Variants in DLEU7 observed in about 807,000 individuals in gnomAD.
DLEU7 encodes the protein leukemia-associated protein 7.
DLEU7 carries 17 observed loss-of-function variants against 16.0 expected under a neutral mutation model. That is an observed-to-expected ratio of 1.06 (90% CI 0.73 to 1.59). The LOEUF (loss-of-function observed/expected upper bound fraction) is 1.59, where lower values mean the gene tolerates loss of function less well. Ranked by LOEUF, DLEU7 falls within the 40% of genes most tolerant of loss-of-function variation. The probability of loss-of-function intolerance (pLI) is 0.00; values close to 1 mark genes in which losing one functional copy is unlikely to be tolerated. For missense variants in DLEU7, 308 were observed against 314.9 expected (o/e 0.98, Z 0.17); for synonymous variants, 113 against 139.8 (o/e 0.81, Z 1.35).
intron 1 of DLEU7, among the ~76,000 whole-genome samples, chr13:50,809,248 G>T (rs1244931113): frequency 6.6e-6 from 1 of 152,020 alleles, no homozygotes; most frequent in Non-Finnish European, 1.5e-5. Context: ...ATGTGTTTTG[G>T]TTGAAAAAAA....
chr13:50,782,185 G>C (rs1050648381), intron 1 of DLEU7, among the ~76,000 whole-genome samples: 5 of 152,060 alleles, frequency 3.3e-5, no homozygotes, highest in Non-Finnish European at 5.9e-5. Flanking sequence ...CCTCACAAAG[G>C]GTCTGTAAGT....
At chr13:50,758,255 A>C (rs768020108) in intron 1 of DLEU7, among the ~76,000 whole-genome samples, 4 of 152,080 alleles carry the variant, frequency 2.6e-5, no homozygotes, top group Non-Finnish European at 5.9e-5. Context: ...TTGGAAGCTT[A>C]TTGTTAACAG....
chr13:50,810,777 G>C (rs957727620), intron 1 of DLEU7, among the ~76,000 whole-genome samples: 1 of 152,138 alleles, frequency 6.6e-6, no homozygotes, highest in Non-Finnish European at 1.5e-5. Flanking sequence ...TTCAACTGTT[G>C]TGAATTTTTT....
intron 1 of DLEU7, among the ~76,000 whole-genome samples, chr13:50,757,100 C>T (rs997172596): frequency 3.3e-5 from 5 of 152,260 alleles, no homozygotes; most frequent in Admixed American, 6.5e-5. Context: ...AGGAGCAGTC[C>T]GCTTCTTTCA....
chr13:50,800,283 G>A (rs143560108), intron 1 of DLEU7, among the ~76,000 whole-genome samples: 306 of 152,292 alleles, frequency 2.0e-3, no homozygotes, highest in African/African-American at 6.8e-3. Context: ...TATGGCTAAT[G>A]CTCAGCCCGG....
At chr13:50,733,536 A>G (rs1331534976) in intron 1 of DLEU7, among the ~76,000 whole-genome samples, 1 of 151,942 alleles carries the variant, frequency 6.6e-6, no homozygotes, top group Non-Finnish European at 1.5e-5. Flanking sequence ...GATGCAAGGG[A>G]TCTATCTCCC....
intron 1 of DLEU7, among the ~76,000 whole-genome samples, chr13:50,753,076 C>T (rs948358747): frequency 6.6e-6 from 1 of 151,038 alleles, no homozygotes; most frequent in African/African-American, 2.5e-5. Context: ...TACCTAGATA[C>T]AGAGTGTCGA....
At position 50,791,608 on chromosome 13, in the gene DLEU7, G is replaced by A. The variant is rs1352973934; in HGVS notation, c.459+51580C>T. ...CCTCACCTCTCCACCAGGCCAGCTT[G>A]CAGGGTCAGAGCCAAGTTTTGTGGA... On this transcript the variant is annotated intron_variant, in intron 1 of 1. Coordinates refer to the DLEU7 transcript ENST00000400393. 2.0e-5 allele frequency among the ~76,000 whole-genome samples: 3 copies of A among 152,150 alleles called. No homozygotes were observed. In the South Asian group the frequency reaches 6.2e-4, roughly 32 times the overall value.
chr13:50,802,903 A>G (rs972464121), intron 1 of DLEU7, among the ~76,000 whole-genome samples: 2 of 152,172 alleles, frequency 1.3e-5, no homozygotes, highest in Non-Finnish European at 1.5e-5. Context: ...CCACATAACA[A>G]TAGAGCTTAA....
chr13:50,752,122 G>A (rs1446447650), intron 1 of DLEU7, among the ~76,000 whole-genome samples: 2 of 149,166 alleles, frequency 1.3e-5, no homozygotes, highest in African/African-American at 5.0e-5. Flanking sequence ...CACAATCTCG[G>A]CTCATTGCAA....
chr13:50,775,493 G>A (rs1566247716), intron 1 of DLEU7, among the ~76,000 whole-genome samples: 1 of 152,188 alleles, frequency 6.6e-6, no homozygotes, highest in Non-Finnish European at 1.5e-5. Context: ...CTCCGCAACA[G>A]CTTTCTAGCT....
At chr13:50,811,998 A>T (rs2137791076) in intron 1 of DLEU7, among the ~76,000 whole-genome samples, 1 of 146,430 alleles carries the variant, frequency 6.8e-6, no homozygotes, top group East Asian at 2.2e-4. Flanking sequence ...TGAACCCAGG[A>T]GGCAGCAGCT....
intron 1 of DLEU7, among the ~76,000 whole-genome samples, chr13:50,768,723 T>C (rs1875197431): frequency 6.6e-6 from 1 of 152,184 alleles, no homozygotes; most frequent in Non-Finnish European, 1.5e-5. Flanking sequence ...TTTGCTATTG[T>C]GAATAGTGCC....
intron 1 of DLEU7, among the ~76,000 whole-genome samples, chr13:50,798,778 G>A (rs1458586424): frequency 6.6e-6 from 1 of 152,182 alleles, no homozygotes; most frequent in Non-Finnish European, 1.5e-5. Flanking sequence ...GGAACCTCGA[G>A]GAGACTGTCA....
At chr13:50,810,720 C>T (rs142890156) in intron 1 of DLEU7, among the ~76,000 whole-genome samples, 14 of 152,208 alleles carry the variant, frequency 9.2e-5, no homozygotes, top group African/African-American at 2.6e-4. Context: ...TCATCATACC[C>T]GTATCTCAGC....
At chr13:50,753,813 A>AG (rs1384509364) in intron 1 of DLEU7, among the ~76,000 whole-genome samples, 1 of 152,230 alleles carries the variant, frequency 6.6e-6, no homozygotes, top group African/African-American at 2.4e-5. Flanking sequence ...GCCCAGGCAG[A>AG]GGTGCCAAGA....
chr13:50,813,608 A>G (rs1244891814), intron 1 of DLEU7, among the ~76,000 whole-genome samples: 1 of 152,136 alleles, frequency 6.6e-6, no homozygotes, highest in African/African-American at 2.4e-5. Flanking sequence ...TAATTAACTC[A>G]TTTATATTAA....
At chr13:50,725,137 G>C (rs191480442) in intron 1 of DLEU7, among the ~76,000 whole-genome samples, 50 of 152,236 alleles carry the variant, frequency 3.3e-4, no homozygotes, top group African/African-American at 1.1e-3. Flanking sequence ...CCTGGTGCCA[G>C]CAGTGACCTA....
intron 1 of DLEU7, among the ~76,000 whole-genome samples, chr13:50,789,526 A>G (rs1247959813): frequency 2.0e-5 from 3 of 151,462 alleles, no homozygotes; most frequent in African/African-American, 7.3e-5. Context: ...ATATATGTAT[A>G]CACACACATA....
Sources: gnomAD v4.1 joint callset for allele counts (sites outside exome capture counted in the v4.1 genomes callset) on GRCh38, gnomAD v4.1.1 for gene constraint, MANE v1.5 for transcripts, NCBI Gene and HGNC (gene_info 2026-07-23, HGNC 2026-07-21) for gene names.